TECRL: variants seen among roughly 807,000 people sequenced by gnomAD.
The protein encoded by TECRL is trans-2,3-enoyl-CoA reductase-like.
In TECRL, 63 loss-of-function variants were observed where a neutral mutation model predicts 52.8. The ratio of observed to expected loss-of-function variants is 1.19; its 90% CI spans 0.97 to 1.47. The LOEUF (loss-of-function observed/expected upper bound fraction) is 1.47, where lower values mean the gene tolerates loss of function less well. Among genes scored for constraint, TECRL ranks in the 40% most tolerant of loss-of-function variants. The pLI is 0.00. For missense variants in TECRL, 482 were observed against 429.6 expected, an observed-to-expected ratio of 1.12 and a Z score of -1.08; for synonymous variants, 164 against 141.9, an observed-to-expected ratio of 1.16 and a Z score of -1.10.
At chr4:64,311,427 G>A (rs1392962026) in intron 5 of TECRL, among the ~76,000 whole-genome samples, 1 of 152,148 alleles carries the variant, frequency 6.6e-6, no homozygotes, top group Non-Finnish European at 1.5e-5. Context: ...TGCCTTGTGA[G>A]CACACAGGGT....
intron 2 of TECRL, among the ~76,000 whole-genome samples, chr4:64,343,573 C>A (rs1401336725): frequency 2.0e-5 from 3 of 151,350 alleles, no homozygotes; most frequent in Non-Finnish European, 4.4e-5. Context: ...GATAAACATG[C>A]ACACACACAC....
chr4:64,370,570 T>C (rs1341373996), intron 2 of TECRL, among the ~76,000 whole-genome samples: 1 of 151,844 alleles, frequency 6.6e-6, no homozygotes, highest in East Asian at 1.9e-4. Context: ...ACTAATATGT[T>C]ACTAGTCCAC....
intron 2 of TECRL, among the ~76,000 whole-genome samples, chr4:64,329,254 G>A (rs1313883708): frequency 6.6e-6 from 1 of 151,734 alleles, no homozygotes; most frequent in Admixed American, 6.6e-5. Context: ...TCCATTAAAA[G>A]TTTACTTCTT....
At chr4:64,344,075 G>C (rs1410835411) in intron 2 of TECRL, among the ~76,000 whole-genome samples, 1 of 151,928 alleles carries the variant, frequency 6.6e-6, no homozygotes, top group Non-Finnish European at 1.5e-5. Flanking sequence ...AAACCAGCTA[G>C]GTTACCATTT....
intron 8 of TECRL, among the ~76,000 whole-genome samples, chr4:64,292,865 C>T (rs1186059871): frequency 6.6e-6 from 1 of 151,726 alleles, no homozygotes; most frequent in Non-Finnish European, 1.5e-5. Flanking sequence ...TCTTTTTCCC[C>T]ATAATTAGTA....
intron 2 of TECRL, among the ~76,000 whole-genome samples, chr4:64,338,849 T>C (rs1039366834): frequency 6.6e-6 from 1 of 152,186 alleles, no homozygotes; most frequent in Non-Finnish European, 1.5e-5. Flanking sequence ...TGTAAACTAG[T>C]TCAACCATTG....
At chr4:64,393,101 T>C (rs1723659405) in intron 1 of TECRL, among the ~76,000 whole-genome samples, 1 of 152,006 alleles carries the variant, frequency 6.6e-6, no homozygotes, top group African/African-American at 2.4e-5. Flanking sequence ...TGGTTGATGA[T>C]GCTACATTTC....
At chr4:64,292,335 A>G (rs1309628722) in intron 8 of TECRL, among the ~76,000 whole-genome samples, 1 of 152,020 alleles carries the variant, frequency 6.6e-6, no homozygotes, top group Non-Finnish European at 1.5e-5. Flanking sequence ...GTTTGATTTT[A>G]CATTATTAAA....
intron 1 of TECRL, among the ~76,000 whole-genome samples, chr4:64,395,006 G>T (rs1723832021): frequency 6.7e-6 from 1 of 150,256 alleles, no homozygotes; most frequent in South Asian, 2.1e-4. Flanking sequence ...TTTGTCTCCG[G>T]GGTTCAAATG....
At chr4:64,303,334 C>T (rs190731006) in intron 7 of TECRL, among the ~76,000 whole-genome samples, 2 of 151,412 alleles carry the variant, frequency 1.3e-5, no homozygotes, top group African/African-American at 2.4e-5. Flanking sequence ...TATCCTAAGC[C>T]CATATAACTA....
At chr4:64,344,900 A>G (rs920336351) in intron 2 of TECRL, among the ~76,000 whole-genome samples, 1 of 152,198 alleles carries the variant, frequency 6.6e-6, no homozygotes, top group African/African-American at 2.4e-5. Flanking sequence ...ACTGAGTGAC[A>G]TGGAGGTTAA....
In TECRL at chr4:64,359,040, A is replaced by G. The variant is rs751628894; in HGVS notation, c.286+16132T>C. Among the ~76,000 whole-genome samples the G allele has an allele frequency of 6.7e-4, 102 of 151,982 alleles. 1 individual carries two copies. The highest frequency in any genetic ancestry group is 6.8e-3 in the Middle Eastern group (2 of 292). Reference sequence around the variant, plus strand: ...TAAAAGCTCATGTATTTATTTTTAGATTGTTTATATGGAATTCCATTGTGA... The same window carrying G: ...TAAAAGCTCATGTATTTATTTTTAGGTTGTTTATATGGAATTCCATTGTGA... On this transcript the variant is annotated intron_variant, in intron 2 of 11. Coordinates refer to ENST00000381210, the MANE Select transcript of TECRL (RefSeq NM_001010874.5).
At chr4:64,376,248 A>G (rs1345120264) in intron 1 of TECRL, among the ~76,000 whole-genome samples, 1 of 151,860 alleles carries the variant, frequency 6.6e-6, no homozygotes, top group East Asian at 1.9e-4. Flanking sequence ...TACTGTTCAG[A>G]ACTTTTTTTA....
chr4:64,282,255 A>G (rs1387548519), intron 9 of TECRL, among the ~76,000 whole-genome samples: 2 of 151,954 alleles, frequency 1.3e-5, no homozygotes, highest in African/African-American at 2.4e-5. Context: ...TAATGATTTC[A>G]GGTTGAACTT....
chr4:64,384,008 G>T (rs1215060600), intron 1 of TECRL, among the ~76,000 whole-genome samples: 1 of 152,074 alleles, frequency 6.6e-6, no homozygotes, highest in Admixed American at 6.6e-5. Context: ...CATCCGTATT[G>T]TCTATGTGGT....
intron 1 of TECRL, among the ~76,000 whole-genome samples, chr4:64,400,547 A>C (rs1262252282): frequency 6.6e-6 from 1 of 152,184 alleles, no homozygotes; most frequent in Non-Finnish European, 1.5e-5. Context: ...GTCCCTGCCC[A>C]AATCTCATGT....
At chr4:64,312,987 T>G (rs1466538463) in intron 5 of TECRL, among the ~76,000 whole-genome samples, 1 of 152,150 alleles carries the variant, frequency 6.6e-6, no homozygotes. Context: ...CCGCCATAAT[T>G]GTAAGTTTCT....
chr4:64,297,718 G>C (rs1249885931), intron 8 of TECRL, among the ~76,000 whole-genome samples: 1 of 151,038 alleles, frequency 6.6e-6, no homozygotes, highest in Non-Finnish European at 1.5e-5. Flanking sequence ...ATAAATTGAA[G>C]AATAGACTTT....
At chr4:64,375,050 T>C (rs1014346530) in intron 2 of TECRL, 122 bp downstream of exon 2, 7 of 394,656 alleles carry the variant, frequency 1.8e-5, no homozygotes, top group African/African-American at 1.3e-4. Context: ...CTATTGTTCC[T>C]GAGCTCCTTG....
Sources: gnomAD v4.1 joint callset for allele counts (sites outside exome capture counted in the v4.1 genomes callset) on GRCh38, gnomAD v4.1.1 for gene constraint, MANE v1.5 for transcripts, NCBI Gene and HGNC (gene_info 2026-07-23, HGNC 2026-07-21) for gene names.